UGT2A1: variants seen among roughly 807,000 people sequenced by gnomAD.
UGT2A1 encodes UDP-glucuronosyltransferase 2A1.
In UGT2A1, 61 loss-of-function variants were observed where a neutral mutation model predicts 45.4. The ratio of observed to expected loss-of-function variants is 1.34; its 90% confidence interval spans 1.09 to 1.66. The LOEUF (loss-of-function observed/expected upper bound fraction) is 1.66. Among genes scored for constraint, UGT2A1 ranks in the 40% most tolerant of loss-of-function variants. The pLI is 0.00. For missense variants in UGT2A1, 649 were observed against 574.3 expected (o/e 1.13, Z -1.33); for synonymous variants, 229 against 196.2 (o/e 1.17, Z -1.40).
chr4:69,598,761 T>A (rs1283421742), intron 4 of UGT2A1, among the ~76,000 whole-genome samples: 1 of 152,154 alleles, frequency 6.6e-6, no homozygotes, highest in Non-Finnish European at 1.5e-5. Flanking sequence ...AACTGTCTAA[T>A]AAATTCTCAA....
At chr4:69,591,136 G>A (rs568890088) in intron 6 of UGT2A1, among the ~76,000 whole-genome samples, 1 of 152,072 alleles carries the variant, frequency 6.6e-6, no homozygotes, top group Non-Finnish European at 1.5e-5. Context: ...TTTTGTCAAT[G>A]AAATGAATCA....
At chr4:69,625,180 C>A (rs546687102) in intron 3 of UGT2A1, among the ~76,000 whole-genome samples, 1 of 149,610 alleles carries the variant, frequency 6.7e-6, no homozygotes, top group Admixed American at 6.7e-5. Context: ...TTTTTCTTTG[C>A]TAGATGAAGT....
intron 3 of UGT2A1, among the ~76,000 whole-genome samples, chr4:69,602,558 G>C (rs922137266): frequency 7.3e-6 from 1 of 137,082 alleles, no homozygotes; most frequent in Non-Finnish European, 1.6e-5. Flanking sequence ...TAAATCTTCA[G>C]AATGAGGAAG....
In UGT2A1 at chr4:69,590,692, ATAAG is replaced by A. The variant is rs573787235; in HGVS notation, c.1305-1045_1305-1042del. On this transcript the variant is annotated intron_variant, in intron 6 of 6. Transcript: ENST00000286604. ...GTCTGTCTGTCTAGTGAAAAAGAAT[ATAAG>A]TAAGTAATTTCACATGGATCATCCG... is the stretch of plus-strand genomic sequence containing the variant. Among the ~76,000 whole-genome samples the A allele has an allele frequency of 4.7e-4, 71 of 152,116 alleles. 2 individuals are homozygous for A. The highest frequency in any genetic ancestry group is 3.7e-3 in the South Asian group (18 of 4,812).
intron 3 of UGT2A1, among the ~76,000 whole-genome samples, chr4:69,617,637 AG>A (rs1329070018): frequency 6.6e-6 from 1 of 151,822 alleles, no homozygotes; most frequent in African/African-American, 2.4e-5. Context: ...ATACATTAAA[AG>A]TTTAAGTAGA....
intron 6 of UGT2A1, among the ~76,000 whole-genome samples, chr4:69,590,797 A>G (rs1718554104): frequency 6.6e-6 from 1 of 152,172 alleles, no homozygotes; most frequent in Admixed American, 6.5e-5. Context: ...TTTCCTATAA[A>G]TGATGTGGGA....
At chr4:69,630,729 T>C (rs1577991172) in intron 3 of UGT2A1, among the ~76,000 whole-genome samples, 2 of 152,122 alleles carry the variant, frequency 1.3e-5, no homozygotes, top group South Asian at 2.1e-4. Context: ...ATTATATATG[T>C]TTTATTATGT....
intron 6 of UGT2A1, among the ~76,000 whole-genome samples, chr4:69,593,928 A>G (rs1025780761): frequency 6.7e-5 from 10 of 150,136 alleles, no homozygotes; most frequent in Non-Finnish European, 1.3e-4. Context: ...TAATCATAGC[A>G]TTCTTTATTT....
At chr4:69,627,265 G>C (rs1246218488) in intron 3 of UGT2A1, among the ~76,000 whole-genome samples, 1 of 151,486 alleles carries the variant, frequency 6.6e-6, no homozygotes, top group Non-Finnish European at 1.5e-5. Flanking sequence ...ATTACTCAGA[G>C]ATTTATAAAA....
chr4:69,627,018 A>G (rs1721099293), intron 3 of UGT2A1, among the ~76,000 whole-genome samples: 2 of 151,870 alleles, frequency 1.3e-5, no homozygotes, highest in Admixed American at 6.6e-5. Flanking sequence ...ATTTTATTTT[A>G]TTAGATAATG....
intron 3 of UGT2A1, among the ~76,000 whole-genome samples, chr4:69,631,895 T>C (rs114763982): frequency 6.6e-6 from 1 of 152,308 alleles, no homozygotes; most frequent in Admixed American, 6.5e-5. Flanking sequence ...CTACTTTTAG[T>C]TGGCACTTTT....
At chr4:69,596,444 T>C in intron 4 of UGT2A1, 1 of 1,420,982 alleles carries the variant, frequency 7.0e-7, no homozygotes, top group Non-Finnish European at 9.3e-7. Context: ...TAAGTTTACT[T>C]ACACATTTAA....
chr4:69,647,533 T>C lies in UGT2A1; in HGVS notation c.112A>G (p.Ile38Val). The C allele has an allele frequency of 6.2e-7, 1 of 1,612,848 alleles. No individual in the cohort carries two copies. Among genetic ancestry groups the C allele is most frequent in the Non-Finnish European group, 8.5e-7 (1 of 1,179,268 alleles). Reference protein sequence around the residue: ...MEGSHWLNVKIIIDELIKKEH... With the variant: ...MEGSHWLNVKVIIDELIKKEH... ...TTTTTAATGAGCTCATCTATAATTA[T>C]CTTAACATTTAGCCAATGACTACCT... Residue 38 changes from isoleucine to valine, a missense_variant, in exon 2 of 7, where the codon ATA becomes GTA. Transcript: ENST00000286604.
chr4:69,652,894 A>G (rs1487030981), intron 1 of UGT2A1, among the ~76,000 whole-genome samples: 1 of 152,196 alleles, frequency 6.6e-6, no homozygotes, highest in Non-Finnish European at 1.5e-5. Context: ...AACAAAAGGC[A>G]TGAGAAGAAT....
intron 3 of UGT2A1, among the ~76,000 whole-genome samples, chr4:69,610,024 T>G (rs1244807104): frequency 6.6e-6 from 1 of 152,056 alleles, no homozygotes; most frequent in Non-Finnish European, 1.5e-5. Context: ...ACCTATAAAG[T>G]TTTTAAAGAG....
intron 4 of UGT2A1, 128 bp downstream of exon 4, chr4:69,599,118 A>G: frequency 7.3e-7 from 1 of 1,364,644 alleles, no homozygotes; most frequent in South Asian, 1.7e-5. Flanking sequence ...TATCACAAGG[A>G]AAATAGATGT....
intron 3 of UGT2A1, among the ~76,000 whole-genome samples, chr4:69,625,730 T>C (rs1017634750): frequency 4.0e-5 from 6 of 151,484 alleles, no homozygotes; most frequent in African/African-American, 1.5e-4. Flanking sequence ...CATACAGAAA[T>C]ACAGAGCAAC....
chr4:69,611,075 T>C (rs183467314), intron 3 of UGT2A1, among the ~76,000 whole-genome samples: 1 of 151,972 alleles, frequency 6.6e-6, no homozygotes, highest in African/African-American at 2.4e-5. Context: ...AATAGGCAAA[T>C]AATTTTAAAA....
intron 3 of UGT2A1, among the ~76,000 whole-genome samples, chr4:69,610,078 A>T (rs1047913113): frequency 1.3e-5 from 2 of 152,174 alleles, no homozygotes; most frequent in Non-Finnish European, 2.9e-5. Flanking sequence ...TGGAAGAATC[A>T]TGTTTCTAAT....
Sources: gnomAD v4.1 joint callset for allele counts (sites outside exome capture counted in the v4.1 genomes callset) on GRCh38, gnomAD v4.1.1 for gene constraint, MANE v1.5 for transcripts, NCBI Gene and HGNC (gene_info 2026-07-23, HGNC 2026-07-21) for gene names.